The following SNTG1 variants were observed in gnomAD, a reference collection of about 807,000 sequenced individuals.
The protein encoded by SNTG1 is syntrophin gamma 1.
SNTG1 carries 39 observed loss-of-function variants against 74.7 expected under a neutral mutation model. The observed-to-expected ratio is 0.52, with a 90% CI of 0.40 to 0.68. The LOEUF is 0.68. SNTG1 is among the 30% of genes least tolerant of loss of function. SNTG1 has a pLI of 0.00. For synonymous variants in SNTG1, 254 were observed against 217.1 expected, an observed-to-expected ratio of 1.17 and a Z score of -1.49; for missense variants, 685 against 609.5, an observed-to-expected ratio of 1.12 and a Z score of -1.30.
intron 1 of SNTG1, among the ~76,000 whole-genome samples, chr8:50,155,429 T>G (rs1274028111): frequency 6.6e-6 from 1 of 152,104 alleles, no homozygotes. Context: ...ATTAGAGAAC[T>G]AATGTAAAAG....
intron 1 of SNTG1, among the ~76,000 whole-genome samples, chr8:49,939,553 T>C (rs1004694590): frequency 2.0e-5 from 3 of 152,318 alleles, no homozygotes; most frequent in Middle Eastern, 3.4e-3. Context: ...TTTTCCACTT[T>C]AGCCTCCCGA....
chr8:50,710,509 C>T (rs934789892), intron 17 of SNTG1, among the ~76,000 whole-genome samples: 5 of 151,956 alleles, frequency 3.3e-5, no homozygotes, highest in Admixed American at 6.6e-5. Flanking sequence ...AAAAAGAAAA[C>T]GCTATTGCCA....
chr8:50,277,851 G>A (rs907144038), intron 2 of SNTG1, among the ~76,000 whole-genome samples: 27 of 151,778 alleles, frequency 1.8e-4, no homozygotes, highest in Admixed American at 1.4e-3. Flanking sequence ...TAATTTTATC[G>A]ATGGTTATGA....
In SNTG1 at chr8:50,245,496, G is replaced by A. The variant is rs182918868; in HGVS notation, c.-28+72861G>A. On this transcript the variant is annotated intron_variant, in intron 2 of 18. Coordinates refer to ENST00000642720, the MANE Select transcript of SNTG1 (RefSeq NM_018967.5). ...TCAAAAGATCGAGACCATCCTGGCC[G>A]ACATGATGAAACCCCATCTCTACTA... 1.2e-3 allele frequency among the ~76,000 whole-genome samples: 177 copies of A among 151,942 alleles called. 1 individual carries two copies. The highest frequency in any genetic ancestry group is 4.1e-3 in the African/African-American group (171 of 41,472).
At chr8:50,570,564 T>TTTATTA (rs577888118) in intron 12 of SNTG1, among the ~76,000 whole-genome samples, 19 of 129,794 alleles carry the variant, frequency 1.5e-4, no homozygotes, top group African/African-American at 2.9e-4. Context: ...AGCCTTATTT[T>TTTATTA]TTATTATTAT....
Position 50,374,797 on chromosome 8 carries a change from T to A in SNTG1, c.-27-19415T>A, listed in dbSNP as rs540223542. 5.3e-5 allele frequency among the ~76,000 whole-genome samples: 8 copies of A among 152,242 alleles called. No homozygotes were observed. In the South Asian group the frequency reaches 1.7e-3, roughly 32 times the overall value. ...TGAAACAAGGCATCTCATAGCTAAATAAATAAATAAAATTCCCTAGGCAAT... is the reference window on the plus strand; with the variant it reads ...TGAAACAAGGCATCTCATAGCTAAAAAAATAAATAAAATTCCCTAGGCAAT... On this transcript the variant is annotated intron_variant, in intron 2 of 18. Transcript: ENST00000642720.
intron 2 of SNTG1, among the ~76,000 whole-genome samples, chr8:50,242,097 G>C (rs539106893): frequency 6.6e-6 from 1 of 150,954 alleles, no homozygotes; most frequent in African/African-American, 2.4e-5. Context: ...GTATATATAC[G>C]TATACATATC....
intron 8 of SNTG1, among the ~76,000 whole-genome samples, chr8:50,453,772 G>A (rs886297491): frequency 5.3e-5 from 8 of 152,086 alleles, no homozygotes; most frequent in African/African-American, 1.4e-4. Flanking sequence ...TTCCCCCTCC[G>A]TGGGCACTGC....
intron 4 of SNTG1, among the ~76,000 whole-genome samples, chr8:50,430,125 T>C (rs1039755430): frequency 2.6e-5 from 4 of 152,184 alleles, no homozygotes; most frequent in Non-Finnish European, 5.9e-5. Flanking sequence ...ACATGAATGT[T>C]ACAGCAGCTT....
intron 2 of SNTG1, among the ~76,000 whole-genome samples, chr8:50,203,652 T>C (rs778669265): frequency 4.9e-4 from 75 of 152,128 alleles, no homozygotes; most frequent in Non-Finnish European, 9.3e-4. Context: ...GCATTTGTAA[T>C]GGTTCTGAGG....
chr8:50,272,946 A>G (rs1274849056), intron 2 of SNTG1, among the ~76,000 whole-genome samples: 2 of 151,322 alleles, frequency 1.3e-5, no homozygotes, highest in African/African-American at 4.9e-5. Context: ...GTCTCGCTAT[A>G]TTACCCAGGC....
At chr8:50,154,781 C>T (rs531551028) in intron 1 of SNTG1, among the ~76,000 whole-genome samples, 4 of 152,186 alleles carry the variant, frequency 2.6e-5, no homozygotes, top group East Asian at 1.9e-4. Context: ...AAAATGCCAT[C>T]GATTGGAAGT....
intron 2 of SNTG1, among the ~76,000 whole-genome samples, chr8:50,298,126 A>T (rs184878913): frequency 8.5e-5 from 13 of 152,192 alleles, no homozygotes; most frequent in African/African-American, 1.4e-4. Context: ...GGCCTGATCC[A>T]ACGGCAATGA....
intron 2 of SNTG1, among the ~76,000 whole-genome samples, chr8:50,259,968 G>A (rs774721046): frequency 7.9e-5 from 12 of 152,106 alleles, no homozygotes; most frequent in African/African-American, 1.2e-4. Flanking sequence ...TGTCTTAGAA[G>A]GGTTTCCCAC....
intron 15 of SNTG1, among the ~76,000 whole-genome samples, chr8:50,686,264 C>A (rs1441986712): frequency 6.6e-6 from 1 of 152,108 alleles, no homozygotes; most frequent in Admixed American, 6.6e-5. Context: ...TCAAAATTGC[C>A]TTCAAACTTA....
At chr8:50,709,019 A>T (rs911810349) in intron 17 of SNTG1, 41 bp downstream of exon 17, 1 of 1,400,076 alleles carries the variant, frequency 7.1e-7, no homozygotes, top group African/African-American at 1.4e-5. Flanking sequence ...TGCTGCAAAC[A>T]TTCTAATTGA....
At chr8:50,555,100 T>C (rs1386848469) in intron 12 of SNTG1, among the ~76,000 whole-genome samples, 1 of 152,188 alleles carries the variant, frequency 6.6e-6, no homozygotes, top group Non-Finnish European at 1.5e-5. Context: ...CAAATGTCTC[T>C]ACCCTCTGTA....
intron 9 of SNTG1, among the ~76,000 whole-genome samples, chr8:50,512,312 T>C (rs56695897): frequency 0.041 from 6,252 of 152,190 alleles, 138 homozygotes; most frequent in Middle Eastern, 0.12. Flanking sequence ...CTTCCCTTTG[T>C]GGGTAACCCG....
chr8:50,322,504 A>G (rs13266528), intron 2 of SNTG1, among the ~76,000 whole-genome samples: 83,244 of 151,902 alleles, frequency 0.55, 24,675 homozygotes, highest in East Asian at 0.84. Flanking sequence ...TAAATGTCTT[A>G]AGGCAGTCTT....
Sources: allele counts gnomAD v4.1 joint callset (sites outside exome capture counted in the v4.1 genomes callset), GRCh38; gene constraint gnomAD v4.1.1; transcripts MANE v1.5; gene names NCBI Gene and HGNC (gene_info 2026-07-23, HGNC 2026-07-21).